Variants in PACRG observed in about 807,000 individuals in gnomAD.
The protein encoded by PACRG is parkin coregulated gene protein.
In PACRG, 29 loss-of-function variants were observed where a neutral mutation model predicts 29.7. The observed-to-expected ratio is 0.98, with a 90% CI of 0.73 to 1.33. The LOEUF (loss-of-function observed/expected upper bound fraction) is 1.33. Ranked by LOEUF, PACRG falls within the 40% of genes most tolerant of loss-of-function variation. The pLI is 0.00. For synonymous variants in PACRG, 116 were observed against 118.7 expected (o/e 0.98, Z 0.15); for missense variants, 279 against 316.2 (o/e 0.88, Z 0.89).
At chr6:162,855,744 G>C (rs1196375398) in intron 2 of PACRG, among the ~76,000 whole-genome samples, 1 of 152,146 alleles carries the variant, frequency 6.6e-6, no homozygotes, top group South Asian at 2.1e-4. Context: ...CCAACTCCCT[G>C]CTTCTGGGAC....
intron 4 of PACRG, among the ~76,000 whole-genome samples, chr6:163,213,864 T>C (rs746227322): frequency 2.4e-4 from 23 of 95,348 alleles, no homozygotes; most frequent in Non-Finnish European, 4.6e-4. Flanking sequence ...GAAATTTACA[T>C]TGGTTTAAAT....
chr6:162,933,778 C>T (rs184849276), intron 2 of PACRG, among the ~76,000 whole-genome samples: 7 of 151,784 alleles, frequency 4.6e-5, no homozygotes, highest in African/African-American at 7.3e-5. Flanking sequence ...AAAAAAGGTT[C>T]GTTTAGTTCA....
At chr6:162,963,551 C>T (rs901547274) in intron 2 of PACRG, among the ~76,000 whole-genome samples, 3 of 151,034 alleles carry the variant, frequency 2.0e-5, no homozygotes, top group African/African-American at 4.9e-5. Context: ...TATTTATTTA[C>T]ACATTATTGT....
chr6:162,896,231 A>G (rs1158690403), intron 2 of PACRG, among the ~76,000 whole-genome samples: 4 of 152,160 alleles, frequency 2.6e-5, no homozygotes, highest in Non-Finnish European at 5.9e-5. Context: ...GCCTCTTTCT[A>G]CCCTGACTTC....
chr6:162,967,171 T>C (rs370477669), intron 2 of PACRG, among the ~76,000 whole-genome samples: 6 of 152,286 alleles, frequency 3.9e-5, no homozygotes, highest in African/African-American at 1.4e-4. Context: ...TAATAACAGA[T>C]GCTTTCTATT....
At chr6:163,096,023 G>A (rs929108776) in intron 4 of PACRG, among the ~76,000 whole-genome samples, 1 of 152,092 alleles carries the variant, frequency 6.6e-6, no homozygotes, top group African/African-American at 2.4e-5. Context: ...TGCTCTGCAC[G>A]GACTAATGAA....
intron 4 of PACRG, among the ~76,000 whole-genome samples, chr6:163,102,485 A>G (rs1815151810): frequency 6.6e-6 from 1 of 152,216 alleles, no homozygotes; most frequent in African/African-American, 2.4e-5. Flanking sequence ...CATCCTGGGA[A>G]GATCCCAAGG....
chr6:163,282,384 A>C (rs1784251312), intron 4 of PACRG, among the ~76,000 whole-genome samples: 1 of 152,170 alleles, frequency 6.6e-6, no homozygotes, highest in African/African-American at 2.4e-5. Context: ...ACCCCCTACA[A>C]AAATATTTAT....
chr6:163,290,266 A>G (rs1029733248), intron 4 of PACRG, among the ~76,000 whole-genome samples: 16 of 120,584 alleles, frequency 1.3e-4, no homozygotes, highest in South Asian at 6.0e-4. Flanking sequence ...GTGCGCATGC[A>G]CGCGCGCGCG....
intron 2 of PACRG, among the ~76,000 whole-genome samples, chr6:162,865,774 C>A (rs1792243143): frequency 6.6e-6 from 1 of 151,978 alleles, no homozygotes; most frequent in South Asian, 2.1e-4. Flanking sequence ...CTAAATAGAA[C>A]CTTTAATTTA....
chr6:162,867,560 A>G (rs184748604), intron 2 of PACRG, among the ~76,000 whole-genome samples: 1 of 152,290 alleles, frequency 6.6e-6, no homozygotes, highest in Admixed American at 6.5e-5. Context: ...CTCCGCTCCC[A>G]GACTATTCAA....
At chr6:163,305,243 G>T (rs571096248) in intron 4 of PACRG, among the ~76,000 whole-genome samples, 18 of 152,226 alleles carry the variant, frequency 1.2e-4, no homozygotes, top group African/African-American at 4.3e-4. Flanking sequence ...CCTACTCTTC[G>T]TAGAGAATGG....
At chr6:162,870,591 C>T (rs1443684884) in intron 2 of PACRG, among the ~76,000 whole-genome samples, 2 of 152,164 alleles carry the variant, frequency 1.3e-5, no homozygotes, top group Non-Finnish European at 2.9e-5. Context: ...TGCTTTCCTC[C>T]TGAGTCCCCA....
chr6:162,823,026 C>T lies in PACRG; in HGVS notation c.291+8745C>T, dbSNP rs547893798. 3.3e-5 allele frequency among the ~76,000 whole-genome samples: 5 copies of T among 152,086 alleles called. No individual in the cohort carries two copies. In the South Asian group the frequency reaches 1.0e-3, roughly 32 times the overall value. The stretch of plus-strand genomic sequence containing the variant: ...CACATTTGTTATTATACTGATTTGC[C>T]GTTGCATGTTACATTTTCCTTTTTC... On this transcript the variant is annotated intron_variant, in intron 2 of 4. Transcript: ENST00000366888.
At chr6:162,931,507 A>G (rs1797850692) in intron 2 of PACRG, among the ~76,000 whole-genome samples, 1 of 151,960 alleles carries the variant, frequency 6.6e-6, no homozygotes, top group Non-Finnish European at 1.5e-5. Flanking sequence ...TTATGCCATG[A>G]GATATGGATC....
intron 2 of PACRG, among the ~76,000 whole-genome samples, chr6:162,998,492 T>C (rs1465018754): frequency 6.6e-6 from 1 of 152,238 alleles, no homozygotes; most frequent in Non-Finnish European, 1.5e-5. Context: ...AACAAAAATT[T>C]TAAGAGAGAA....
At chr6:163,083,542 C>T (rs1003620214) in intron 3 of PACRG, among the ~76,000 whole-genome samples, 3 of 152,162 alleles carry the variant, frequency 2.0e-5, no homozygotes, top group Non-Finnish European at 4.4e-5. Context: ...GGCGTGTCCT[C>T]AACCTTGGCA....
intron 4 of PACRG, among the ~76,000 whole-genome samples, chr6:163,097,389 TG>T: frequency 6.6e-6 from 1 of 152,278 alleles, no homozygotes; most frequent in East Asian, 1.9e-4. Context: ...GTGGCAAATG[TG>T]GTATATCAAG....
intron 4 of PACRG, among the ~76,000 whole-genome samples, chr6:163,266,119 C>A (rs1449276656): frequency 3.9e-5 from 6 of 152,190 alleles, no homozygotes; most frequent in Non-Finnish European, 8.8e-5. Context: ...AAAATAAATT[C>A]TTTTCACTTA....
Sources: gnomAD v4.1 joint callset for allele counts (sites outside exome capture counted in the v4.1 genomes callset) on GRCh38, gnomAD v4.1.1 for gene constraint, MANE v1.5 for transcripts, NCBI Gene and HGNC (gene_info 2026-07-23, HGNC 2026-07-21) for gene names.